The following WDTC1 variants were observed in gnomAD, a reference collection of about 807,000 sequenced individuals.
WDTC1 encodes the protein WD and tetratricopeptide repeats 1.
Under a neutral mutation model 76.0 loss-of-function variants are expected in WDTC1, and 12 were observed. The observed-to-expected ratio is 0.16, with a 90% CI of 0.10 to 0.26. The LOEUF (loss-of-function observed/expected upper bound fraction) is 0.26, where lower values mean the gene tolerates loss of function less well. WDTC1 is among the 10% of genes least tolerant of loss of function. The pLI is 1.00. For synonymous variants in WDTC1, 326 were observed against 350.8 expected (o/e 0.93, Z 0.79); for missense variants, 511 against 908.8 (o/e 0.56, Z 5.63).
At chr1:27,249,501 G>A (rs1218657536) in intron 1 of WDTC1, among the ~76,000 whole-genome samples, 2 of 152,146 alleles carry the variant, frequency 1.3e-5, no homozygotes, top group East Asian at 3.9e-4. Flanking sequence ...ACATTCCATT[G>A]TATGGATATA....
chr1:27,256,153 C>A (rs1236510993), intron 1 of WDTC1, among the ~76,000 whole-genome samples: 1 of 152,174 alleles, frequency 6.6e-6, no homozygotes, highest in Non-Finnish European at 1.5e-5. Flanking sequence ...GCAGGACCCA[C>A]GACTAAAATC....
chr1:27,242,424 G>C (rs889629353), intron 1 of WDTC1, among the ~76,000 whole-genome samples: 3 of 152,154 alleles, frequency 2.0e-5, no homozygotes, highest in African/African-American at 7.2e-5. Flanking sequence ...AACTGTGATA[G>C]TGCTACATTC....
rs368699726 is a variant in WDTC1, at chr1:27,294,003, T to C, written c.663-19T>C. 88 of 1,612,648 alleles carry C rather than the reference T, an allele frequency of 5.5e-5. No individual in the cohort carries two copies. Among genetic ancestry groups the C allele is most frequent in the Non-Finnish European group, 7.4e-5 (87 of 1,179,052 alleles). ...GGCAGTGCTGTAACTTTAACCTATA[T>C]GATTTTCCTTCCCACCAGAAAGAGC... On this transcript the variant is annotated intron_variant, in intron 7 of 15. Transcript: ENST00000319394.
At chr1:27,246,438 G>T (rs1357149290) in intron 1 of WDTC1, among the ~76,000 whole-genome samples, 1 of 152,160 alleles carries the variant, frequency 6.6e-6, no homozygotes, top group African/African-American at 2.4e-5. Flanking sequence ...TTCCATTACA[G>T]TGGATATTAA....
At chr1:27,262,843 GC>G (rs1325776545) in intron 2 of WDTC1, among the ~76,000 whole-genome samples, 6 of 151,528 alleles carry the variant, frequency 4.0e-5, no homozygotes, top group African/African-American at 1.5e-4. Flanking sequence ...TAAAGATGAT[GC>G]CCACCCTGTC....
At chr1:27,255,467 A>G (rs2012244577) in intron 1 of WDTC1, 1 of 152,164 alleles carries the variant, frequency 6.6e-6, no homozygotes, top group African/African-American at 2.4e-5. Flanking sequence ...TTTTTGTTTA[A>G]GACAAGTGCA....
At chr1:27,239,988 A>G (rs1391380101) in intron 1 of WDTC1, among the ~76,000 whole-genome samples, 1 of 151,646 alleles carries the variant, frequency 6.6e-6, no homozygotes, top group Non-Finnish European at 1.5e-5. Flanking sequence ...TCCTAGGTTC[A>G]AGCAATTCTC....
At chr1:27,248,437 C>G (rs907049756) in intron 1 of WDTC1, among the ~76,000 whole-genome samples, 1 of 152,010 alleles carries the variant, frequency 6.6e-6, no homozygotes, top group African/African-American at 2.4e-5. Flanking sequence ...GCTTGTTGGC[C>G]ACATGTATGT....
intron 12 of WDTC1, among the ~76,000 whole-genome samples, chr1:27,298,438 G>A (rs1411991934): frequency 1.3e-5 from 2 of 152,250 alleles, no homozygotes; most frequent in African/African-American, 4.8e-5. Flanking sequence ...AGTCCCAACT[G>A]TTGGAGAATT....
rs2013554056 is a variant in WDTC1 at position 27,292,252 on chromosome 1, GT to G, written c.518del (p.Val173GlyfsTer2). 6.2e-7 allele frequency: 1 copy of G among 1,608,474 alleles called. No homozygotes were observed. The highest frequency in any genetic ancestry group is 8.5e-7 in the Non-Finnish European group (1 of 1,177,390). Reference protein sequence around the residue: ...DLRENSKHSEVLIDLTEYCGQ... With the variant: ...DLRENSKHSEXLIDLTEYCGQ... ...TCGAGAGAACAGCAAACACTCGGAG[GT>G]GCTGATTGACCTGACAGAGTACTGT... On this transcript the variant is annotated frameshift_variant, in exon 7 of 16. Coordinates refer to ENST00000319394, the MANE Select transcript of WDTC1 (RefSeq NM_001276252.2). LOFTEE classifies it high-confidence loss of function.
rs150230763 is a variant in WDTC1, at chr1:27,297,968, G to C, written c.1089G>C (p.Glu363Asp). The C allele has an allele frequency of 6.9e-5, 112 of 1,613,720 alleles. No homozygotes were observed. In the African/African-American group the frequency reaches 1.4e-3, roughly 20 times the overall value. ...AAGTAGAGCTACCACCATACCTGGAGCGTGTGAAACAGCAAGCCAATGAGG... is the reference window on the plus strand; with the variant it reads ...AAGTAGAGCTACCACCATACCTGGACCGTGTGAAACAGCAAGCCAATGAGG... ...SPQVELPPYL[E>D]RVKQQANEAF... Residue 363 changes from glutamate to aspartate, a missense_variant, in exon 12 of 16, where the codon GAG (glutamate) becomes GAC (aspartate). By Grantham distance (45) the Glu-to-Asp change is conservative. Coordinates refer to ENST00000319394, the MANE Select transcript of WDTC1 (RefSeq NM_001276252.2).
chr1:27,257,731 A>G lies in WDTC1; in HGVS notation c.-99-3225A>G, dbSNP rs542703727. 2.6e-5 allele frequency among the ~76,000 whole-genome samples: 4 copies of G among 152,236 alleles called. No individual in the cohort carries two copies. The East Asian group carries it at 7.7e-4, about 29-fold the overall frequency. Reference sequence around the variant, plus strand: ...GCCATATCTCCCTGGTAATGACACTAAGATGGCAATGCTGAATGGTTTCAT... The same window carrying G: ...GCCATATCTCCCTGGTAATGACACTGAGATGGCAATGCTGAATGGTTTCAT... On this transcript the variant is annotated intron_variant, in intron 1 of 15. Transcript: ENST00000319394.
intron 1 of WDTC1, among the ~76,000 whole-genome samples, chr1:27,251,776 A>G (rs905262900): frequency 2.0e-5 from 3 of 151,546 alleles, no homozygotes; most frequent in East Asian, 2.0e-4. Flanking sequence ...ATAGTATGCT[A>G]TGATCGCACC....
At position 27,294,058 on chromosome 1, in the gene WDTC1, C is replaced by T. The variant is rs747788266; in HGVS notation, c.699C>T (p.His233=). 1 of 1,614,152 alleles carries T rather than the reference C, an allele frequency of 6.2e-7. No homozygotes were observed. The highest frequency in any genetic ancestry group is 8.5e-7 in the Non-Finnish European group (1 of 1,180,000). ...AGCAGAGCCCTTCAGCGGGTGTGCA[C>T]ACCTTCTGTGACCGGCAGAAACCCC... ...SMKQSPSAGV[H]TFCDRQKPLP... The change falls in exon 8 of 16, where the codon CAC becomes CAT. Residue 233 remains histidine, a synonymous_variant. Coordinates refer to ENST00000319394, the MANE Select transcript of WDTC1 (RefSeq NM_001276252.2).
At chr1:27,276,087 T>G (rs2013020087) in intron 3 of WDTC1, among the ~76,000 whole-genome samples, 1 of 152,236 alleles carries the variant, frequency 6.6e-6, no homozygotes. Flanking sequence ...TAGCATTCCA[T>G]CATTTGGATG....
chr1:27,291,502 G>A (rs2013533642), intron 6 of WDTC1, among the ~76,000 whole-genome samples: 2 of 152,296 alleles, frequency 1.3e-5, no homozygotes, highest in South Asian at 4.1e-4. Flanking sequence ...GAGCATATAG[G>A]TGATGTCCCC....
At chr1:27,304,687 C>G in intron 14 of WDTC1, 1 of 225,234 alleles carries the variant, frequency 4.4e-6, no homozygotes, top group Non-Finnish European at 8.7e-6. Context: ...TGGAACTGCT[C>G]AGGGGAGGCT....
In WDTC1 at chr1:27,274,384, TG is replaced by T. The variant is rs1051058149; in HGVS notation, c.133-7853del. Among the ~76,000 whole-genome samples the T allele has an allele frequency of 3.0e-4, 44 of 148,974 alleles. No homozygotes were observed. The highest frequency in any genetic ancestry group is 9.4e-4 in the Admixed American group (14 of 14,934). On this transcript the variant is annotated intron_variant, in intron 3 of 15. Coordinates refer to ENST00000319394, the MANE Select transcript of WDTC1 (RefSeq NM_001276252.2). The surrounding 1 kb of genome is among the most constrained non-coding windows in gnomAD (Gnocchi z 4.2). ...GGCTCATGCCTATAACCCCATACTTTGGCAGTCAGGAGAATCATTTGAGGCC... is the reference window on the plus strand; with the variant it reads ...GGCTCATGCCTATAACCCCATACTTTGCAGTCAGGAGAATCATTTGAGGCC...
chr1:27,269,627 T>G (rs2012798977), intron 3 of WDTC1, among the ~76,000 whole-genome samples: 3 of 146,448 alleles, frequency 2.0e-5, no homozygotes, highest in Admixed American at 6.8e-5. Flanking sequence ...TTCGGTTTTT[T>G]TTTTTTTGAG....
Sources: allele counts gnomAD v4.1 joint callset (sites outside exome capture counted in the v4.1 genomes callset), GRCh38; gene constraint gnomAD v4.1.1; non-coding constraint Gnocchi (gnomAD v3.1); transcripts MANE v1.5; gene names NCBI Gene and HGNC (gene_info 2026-07-23, HGNC 2026-07-21).